Variants in ERO1A observed in about 807,000 individuals in gnomAD.
ERO1A encodes the protein endoplasmic reticulum oxidoreductase 1 alpha.
A neutral mutation model predicts 76.9 loss-of-function variants in ERO1A; 49 were observed. The ratio of observed to expected loss-of-function variants is 0.64; its 90% CI spans 0.51 to 0.81. ERO1A has a LOEUF of 0.81. Among genes scored for constraint, ERO1A ranks in the 30% least tolerant of loss-of-function variants. The probability of loss-of-function intolerance (pLI) is 0.00; values close to 1 mark genes in which losing one functional copy is unlikely to be tolerated. For synonymous variants in ERO1A, 174 were observed against 181.2 expected (o/e 0.96, Z 0.32); for missense variants, 448 against 542.1 (o/e 0.83, Z 1.72).
chr14:52,686,748 G>A (rs2041188515), intron 1 of ERO1A, among the ~76,000 whole-genome samples: 2 of 152,102 alleles, frequency 1.3e-5, no homozygotes, highest in Non-Finnish European at 2.9e-5. Context: ...GGTGGCACAT[G>A]TCTGTAGTCC....
intron 11 of ERO1A, among the ~76,000 whole-genome samples, chr14:52,657,430 A>G (rs534932442): frequency 6.6e-6 from 1 of 152,326 alleles, no homozygotes. Context: ...GGAAGTTTCT[A>G]TATTTTGTTT....
chr14:52,649,794 G>A (rs940183473), intron 13 of ERO1A, among the ~76,000 whole-genome samples: 1 of 152,184 alleles, frequency 6.6e-6, no homozygotes, highest in Non-Finnish European at 1.5e-5. Flanking sequence ...AATGCTTCAA[G>A]TAGGAGGTAG....
rs78015091 is a variant in ERO1A at position 52,673,023 on chromosome 14, T to C, written c.358-1152A>G. ...CCATTTGGACTTTCCTCATTTAATG[T>C]GTTTGATTTCTCTCTACTTTTTGTA... On this transcript the variant is annotated intron_variant, in intron 4 of 15. Transcript: ENST00000395686. Among the ~76,000 whole-genome samples, 1,327 of 152,242 alleles carry C rather than the reference T, an allele frequency of 8.7e-3. 11 individuals are homozygous for C. Among genetic ancestry groups the C allele is most frequent in the Non-Finnish European group, 0.015 (994 of 68,006 alleles).
intron 11 of ERO1A, among the ~76,000 whole-genome samples, chr14:52,655,543 TA>T (rs1309450557): frequency 6.6e-6 from 1 of 152,206 alleles, no homozygotes; most frequent in Admixed American, 6.5e-5. Flanking sequence ...GTGTGAATGT[TA>T]AAGGCTGCAA....
At chr14:52,663,718 T>C in intron 8 of ERO1A, 83 bp downstream of exon 8, 1 of 811,216 alleles carries the variant, frequency 1.2e-6, no homozygotes, top group Non-Finnish European at 2.1e-6. Context: ...CAACTGTTAC[T>C]GTCATTTATC....
intron 1 of ERO1A, among the ~76,000 whole-genome samples, chr14:52,689,922 T>C (rs977184126): frequency 6.6e-6 from 1 of 152,180 alleles, no homozygotes; most frequent in African/African-American, 2.4e-5. Flanking sequence ...TGTATCAGCA[T>C]AGAAACACAT....
chr14:52,646,822 G>A (rs984688396), intron 13 of ERO1A: 5 of 176,434 alleles, frequency 2.8e-5, no homozygotes, highest in South Asian at 1.4e-4. Context: ...AAATAACTTT[G>A]TCAAGGTGTC....
intron 1 of ERO1A, among the ~76,000 whole-genome samples, chr14:52,694,152 T>C (rs1321700432): frequency 6.6e-6 from 1 of 152,224 alleles, no homozygotes; most frequent in Non-Finnish European, 1.5e-5. Context: ...AAGTCACTTA[T>C]TTCTATCTTA....
At chr14:52,649,311 C>T (rs866043689) in intron 13 of ERO1A, among the ~76,000 whole-genome samples, 26 of 152,254 alleles carry the variant, frequency 1.7e-4, no homozygotes, top group Middle Eastern at 3.4e-3. Context: ...TCATACAAGT[C>T]CTCTATTTCT....
At chr14:52,678,377 G>A (rs2139743976) in intron 4 of ERO1A, 57 bp downstream of exon 4, 1 of 1,424,312 alleles carries the variant, frequency 7.0e-7, no homozygotes, top group Non-Finnish European at 9.8e-7. Flanking sequence ...CAACGGAAAT[G>A]GGTTTTTCAA....
Position 52,646,272 on chromosome 14 carries a change from T to C in ERO1A, c.1228A>G (p.Thr410Ala). 1 of 1,612,314 alleles carries C rather than the reference T, an allele frequency of 6.2e-7. No homozygotes were observed. Among genetic ancestry groups the C allele is most frequent in the Non-Finnish European group, 8.5e-7 (1 of 1,179,544 alleles). Residue 410 changes from threonine (T) to alanine (A), a missense_variant, in exon 15 of 16, where the codon ACT becomes GCT. Around this residue, in one of 2 missense-constraint regions of ERO1A, gnomAD observed 302 missense variants for 411.9 expected, o/e 0.73. Coordinates refer to ENST00000395686, the MANE Select transcript of ERO1A (RefSeq NM_014584.3). The stretch of plus-strand genomic sequence containing the variant: ...TCAGAAAATAAGATCTTCAGAGCAG[T>C]GCCCAAACCCTGAGTCTGTAATAGA... ...WGKLQTQGLG[T>A]ALKILFSEKL...
At position 52,641,960 on chromosome 14, in the gene ERO1A, G is replaced by A. The variant is rs1208613251; in HGVS notation, c.*1610C>T. On this transcript the variant is annotated 3_prime_UTR_variant, in exon 16 of 16. Transcript: ENST00000395686. ...ACCAGGCCTTAGGGACACAGAAGAA[G>A]AAGTATACAGCAGTGTAAACTGACA... 6 of 152,186 alleles carry A rather than the reference G, an allele frequency of 3.9e-5. No individual in the cohort carries two copies. Among genetic ancestry groups the A allele is most frequent in the Admixed American group, 3.9e-4 (6 of 15,278 alleles). 9.4% of individuals were successfully genotyped at this position (152,186 alleles called of 1,614,324 possible).
chr14:52,672,142 T>C (rs2040621465), intron 4 of ERO1A: 5 of 238,704 alleles, frequency 2.1e-5, no homozygotes, highest in Middle Eastern at 1.6e-3. Flanking sequence ...CTGTCTCTAC[T>C]AAAAATACAA....
In ERO1A at chr14:52,641,291, C is replaced by T. The variant is rs1412896554; in HGVS notation, c.*2279G>A. ...CAAAGTAGAGGTAAGAATATTCCTTCAAAAAGATTGGCAGCTAAAAAAAAA... is the reference window on the plus strand; with the variant it reads ...CAAAGTAGAGGTAAGAATATTCCTTTAAAAAGATTGGCAGCTAAAAAAAAA... On this transcript the variant is annotated 3_prime_UTR_variant, in exon 16 of 16. Coordinates refer to ENST00000395686, the MANE Select transcript of ERO1A (RefSeq NM_014584.3). 6.6e-6 allele frequency: 1 copy of T among 151,302 alleles called. No homozygotes were observed. The highest frequency in any genetic ancestry group is 1.5e-5 in the Non-Finnish European group (1 of 67,914). The allele number at this position is 151,302 out of a possible 1,614,324, so 9.4% of individuals were successfully genotyped here.
At chr14:52,668,519 T>C (rs2040490034) in intron 6 of ERO1A, among the ~76,000 whole-genome samples, 1 of 151,784 alleles carries the variant, frequency 6.6e-6, no homozygotes, top group African/African-American at 2.4e-5. Flanking sequence ...CACTCCAGCC[T>C]GGGCAACGAG....
At chr14:52,681,972 T>C (rs1489431811) in intron 3 of ERO1A, among the ~76,000 whole-genome samples, 1 of 152,240 alleles carries the variant, frequency 6.6e-6, no homozygotes, top group Non-Finnish European at 1.5e-5. Flanking sequence ...AAATGTTAAT[T>C]CTATTATTAT....
chr14:52,660,263 T>C (rs1362040277), intron 9 of ERO1A, among the ~76,000 whole-genome samples: 2 of 151,612 alleles, frequency 1.3e-5, no homozygotes, highest in Admixed American at 6.8e-5. Context: ...TCAATACTTA[T>C]AATAAGACAG....
rs897932666 is a variant in ERO1A, at chr14:52,652,385, G to A, written c.1056-77C>T. The A allele has an allele frequency of 4.2e-6, 4 of 944,760 alleles. No homozygotes were observed. The African/African-American group carries it at 6.5e-5, about 15-fold the overall frequency. The allele number at this position is 944,760 out of a possible 1,614,324, so 58.5% of individuals were successfully genotyped here. A position where few individuals can be genotyped will look rare whatever the true frequency, so the allele number is the denominator to read the frequency against. On this transcript the variant is annotated intron_variant, in intron 12 of 15. Coordinates refer to ENST00000395686, the MANE Select transcript of ERO1A (RefSeq NM_014584.3). ...GTCCTGCTAATACAACATTTTACTG[G>A]TCATGATAAATAAAGAGGAGAAAAC...
rs2039441250 is a variant in ERO1A, at chr14:52,640,680, G to C, written c.*2890C>G. 1 of 152,140 alleles carries C rather than the reference G, an allele frequency of 6.6e-6. No individual in the cohort carries two copies. Among genetic ancestry groups the C allele is most frequent in the Admixed American group, 6.6e-5 (1 of 15,264 alleles). 9.4% of individuals were successfully genotyped at this position (152,140 alleles called of 1,614,324 possible). A position where few individuals can be genotyped will look rare whatever the true frequency, so the allele number is the denominator to read the frequency against. ...ATTAATAATAGCAATGAAGATGAAA[G>C]AGTGATGTATCAGAGAGGTGGAGAT... On this transcript the variant is annotated 3_prime_UTR_variant, in exon 16 of 16. Transcript: ENST00000395686.
Sources: allele counts gnomAD v4.1 joint callset (sites outside exome capture counted in the v4.1 genomes callset), GRCh38; gene constraint gnomAD v4.1.1; regional missense constraint gnomAD v4.1.1; transcripts MANE v1.5; gene names NCBI Gene and HGNC (gene_info 2026-07-23, HGNC 2026-07-21).